The following KCTD8 variants were observed in gnomAD, a reference collection of about 807,000 sequenced individuals.
The protein encoded by KCTD8 is BTB/POZ domain-containing protein KCTD8.
A neutral mutation model predicts 31.5 loss-of-function variants in KCTD8; 27 were observed. The ratio of observed to expected loss-of-function variants is 0.86; its 90% CI spans 0.63 to 1.18. KCTD8 has a LOEUF of 1.18. KCTD8 is among the 50% of genes most tolerant of loss of function. KCTD8 has a pLI of 0.00. For synonymous variants in KCTD8, 290 were observed against 280.0 expected (o/e 1.04, Z -0.36); for missense variants, 658 against 647.7 (o/e 1.02, Z -0.17).
At chr4:44,267,088 T>C (rs1054192960) in intron 1 of KCTD8, among the ~76,000 whole-genome samples, 2 of 152,090 alleles carry the variant, frequency 1.3e-5, no homozygotes, top group Non-Finnish European at 2.9e-5. Flanking sequence ...CAACAGAATA[T>C]ACATTTTTTT....
At position 44,418,095 on chromosome 4, in the gene KCTD8, T is replaced by G. The variant is rs73812282; in HGVS notation, c.961+29468A>C. On this transcript the variant is annotated intron_variant, in intron 1 of 1. Transcript: ENST00000360029. Reference sequence around the variant, plus strand: ...TATAATACAGATCCTTTCCAAAGACTGTGTGAGGACCACTAAGGAGCCACG... The same window carrying G: ...TATAATACAGATCCTTTCCAAAGACGGTGTGAGGACCACTAAGGAGCCACG... Among the ~76,000 whole-genome samples, 1,149 of 152,240 alleles carry G rather than the reference T, an allele frequency of 7.5e-3. 16 individuals are homozygous for G. The highest frequency in any genetic ancestry group is 0.026 in the African/African-American group (1,075 of 41,548).
At chr4:44,382,106 C>T (rs4552511) in intron 1 of KCTD8, among the ~76,000 whole-genome samples, 125,273 of 151,956 alleles carry the variant, frequency 0.82, 51,830 homozygotes, top group South Asian at 0.88. Context: ...AATGGAGGAA[C>T]AGACTCTAAT....
chr4:44,335,825 T>G (rs1202290599), intron 1 of KCTD8, among the ~76,000 whole-genome samples: 1 of 152,058 alleles, frequency 6.6e-6, no homozygotes, highest in African/African-American at 2.4e-5. Flanking sequence ...ACGAAATGAT[T>G]ACAACCTTTT....
chr4:44,228,240 T>C (rs994216607), intron 1 of KCTD8, among the ~76,000 whole-genome samples: 1 of 152,196 alleles, frequency 6.6e-6, no homozygotes, highest in Non-Finnish European at 1.5e-5. Flanking sequence ...TTGGTTCTTC[T>C]GAGGCTTCTC....
intron 1 of KCTD8, among the ~76,000 whole-genome samples, chr4:44,345,110 TA>T (rs1177252840): frequency 6.6e-6 from 1 of 152,172 alleles, no homozygotes; most frequent in Admixed American, 6.5e-5. Context: ...TTTCTTATGC[TA>T]GGTATTTCTA....
chr4:44,325,194 C>G (rs895268010), intron 1 of KCTD8, among the ~76,000 whole-genome samples: 4 of 151,880 alleles, frequency 2.6e-5, no homozygotes, highest in Non-Finnish European at 5.9e-5. Flanking sequence ...TGGGTGGAAG[C>G]TGGATGTGCA....
chr4:44,314,602 T>C (rs1718054358), intron 1 of KCTD8, among the ~76,000 whole-genome samples: 1 of 152,116 alleles, frequency 6.6e-6, no homozygotes, highest in African/African-American at 2.4e-5. Flanking sequence ...ATTAGTAACA[T>C]TTTTATGGAT....
intron 1 of KCTD8, among the ~76,000 whole-genome samples, chr4:44,331,495 CATAG>C (rs982178964): frequency 1.4e-4 from 21 of 151,612 alleles, no homozygotes; most frequent in African/African-American, 5.1e-4. Context: ...GAAAACAGAT[CATAG>C]ATAGGTTGTT....
At chr4:44,311,546 A>G (rs910647845) in intron 1 of KCTD8, among the ~76,000 whole-genome samples, 4 of 152,078 alleles carry the variant, frequency 2.6e-5, no homozygotes, top group African/African-American at 4.8e-5. Flanking sequence ...GTTTACTGCA[A>G]TGTAAGAATA....
intron 1 of KCTD8, among the ~76,000 whole-genome samples, chr4:44,181,776 G>A (rs964434276): frequency 6.6e-6 from 1 of 150,410 alleles, no homozygotes; most frequent in African/African-American, 2.4e-5. Flanking sequence ...GCCTCTTCCC[G>A]GCCGCCATCC....
chr4:44,427,610 T>G (rs1721379833), intron 1 of KCTD8, among the ~76,000 whole-genome samples: 1 of 151,540 alleles, frequency 6.6e-6, no homozygotes, highest in Non-Finnish European at 1.5e-5. Flanking sequence ...AATAAAATAC[T>G]TTTCATACTA....
At chr4:44,300,340 A>G (rs984425736) in intron 1 of KCTD8, among the ~76,000 whole-genome samples, 18 of 151,288 alleles carry the variant, frequency 1.2e-4, no homozygotes, top group South Asian at 4.2e-4. Context: ...ATGCTATCAG[A>G]AAAAAAAGGT....
At chr4:44,393,145 G>C (rs1269198782) in intron 1 of KCTD8, among the ~76,000 whole-genome samples, 1 of 151,976 alleles carries the variant, frequency 6.6e-6, no homozygotes, top group Non-Finnish European at 1.5e-5. Context: ...TGATTGTAGA[G>C]AGAGTACAGT....
intron 1 of KCTD8, among the ~76,000 whole-genome samples, chr4:44,326,447 A>G (rs1718445456): frequency 6.6e-6 from 1 of 151,798 alleles, no homozygotes; most frequent in Admixed American, 6.6e-5. Flanking sequence ...TAAAGCCCAC[A>G]GTATAATAAA....
intron 1 of KCTD8, among the ~76,000 whole-genome samples, chr4:44,314,669 T>C (rs1235867125): frequency 1.3e-5 from 2 of 151,996 alleles, no homozygotes; most frequent in East Asian, 1.9e-4. Context: ...TGCATAAACA[T>C]GCACATTTAC....
chr4:44,409,056 A>G (rs1386397992), intron 1 of KCTD8, among the ~76,000 whole-genome samples: 1 of 151,860 alleles, frequency 6.6e-6, no homozygotes, highest in African/African-American at 2.4e-5. Context: ...CAGCCTGCTC[A>G]ACATAGTGAG....
chr4:44,332,580 C>G (rs1389935827), intron 1 of KCTD8, among the ~76,000 whole-genome samples: 1 of 151,896 alleles, frequency 6.6e-6, no homozygotes, highest in Non-Finnish European at 1.5e-5. Context: ...TACTATTTTA[C>G]TTCTTACAAA....
intron 1 of KCTD8, among the ~76,000 whole-genome samples, chr4:44,244,414 A>G (rs1288820500): frequency 2.0e-5 from 3 of 152,232 alleles, no homozygotes; most frequent in East Asian, 3.9e-4. Flanking sequence ...GTCTCAGAGG[A>G]GACCTCAGAG....
chr4:44,397,504 T>C (rs1448373026), intron 1 of KCTD8, among the ~76,000 whole-genome samples: 1 of 152,092 alleles, frequency 6.6e-6, no homozygotes, highest in Admixed American at 6.6e-5. Context: ...CATACATACA[T>C]ATACACAAAA....
Sources: allele counts gnomAD v4.1 joint callset (sites outside exome capture counted in the v4.1 genomes callset), GRCh38; gene constraint gnomAD v4.1.1; transcripts MANE v1.5; gene names NCBI Gene and HGNC (gene_info 2026-07-23, HGNC 2026-07-21).